KNG1: variants seen among roughly 807,000 people sequenced by gnomAD.
KNG1 encodes the protein kininogen-1.
In KNG1, 23 loss-of-function variants were observed where a neutral mutation model predicts 47.8. The ratio of observed to expected loss-of-function variants is 0.48; its 90% CI spans 0.35 to 0.68. KNG1 has a LOEUF of 0.68. Ranked by LOEUF, KNG1 falls within the 30% of genes least tolerant of loss-of-function variation. The pLI, the probability that KNG1 is intolerant of heterozygous loss-of-function variation, is 0.01. For missense variants in KNG1, 762 were observed against 790.2 expected, an observed-to-expected ratio of 0.96 and a Z score of 0.43; for synonymous variants, 277 against 277.0, an observed-to-expected ratio of 1.00 and a Z score of 0.00.
intron 4 of KNG1, among the ~76,000 whole-genome samples, chr3:186,725,883 T>C (rs144732824): frequency 0.013 from 1,762 of 137,484 alleles, 38 homozygotes; most frequent in African/African-American, 0.047. Context: ...CATGGCTTTC[T>C]GGGTACCCAC....
rs370821408 is a variant in KNG1, at chr3:186,717,660, G to T, written c.118G>T (p.Ala40Ser). 2 of 1,613,144 alleles carry T rather than the reference G, an allele frequency of 1.2e-6. No homozygotes were observed. Among genetic ancestry groups the T allele is most frequent in the South Asian group, 1.1e-5 (1 of 91,072 alleles). Reference protein sequence around the residue: ...DKDLFKAVDAALKKYNSQNQS... With the variant: ...DKDLFKAVDASLKKYNSQNQS... The stretch of plus-strand genomic sequence containing the variant: ...GGATTTATTTAAAGCTGTGGATGCT[G>T]CTCTGAAGAAATATAACAGTCAAAA... Residue 40 changes from alanine to serine, a missense_variant, in exon 1 of 10, where the codon GCT (alanine) becomes TCT (serine). Physicochemically the swap from Ala to Ser is moderately conservative, Grantham distance 99 (BLOSUM62 1). Transcript: ENST00000644859.
intron 9 of KNG1, among the ~76,000 whole-genome samples, chr3:186,740,129 G>T (rs1720771354): frequency 6.6e-6 from 1 of 152,044 alleles, no homozygotes; most frequent in South Asian, 2.1e-4. Context: ...ATCCCCAGGG[G>T]ATTCATATGC....
chr3:186,723,651 CTTTCTTT>C (rs1720267967), intron 3 of KNG1, among the ~76,000 whole-genome samples: 1 of 151,670 alleles, frequency 6.6e-6, no homozygotes, highest in South Asian at 2.1e-4. Flanking sequence ...ACCACAATTT[CTTTCTTT>C]TTTTTTTTCA....
intron 3 of KNG1, 132 bp downstream of exon 3, chr3:186,722,653 G>A: frequency 2.7e-6 from 2 of 754,556 alleles, no homozygotes; most frequent in Admixed American, 4.0e-5. Flanking sequence ...GAGTTAGGGA[G>A]CATTGGGTGG....
In KNG1 at chr3:186,731,547, T is replaced by C. The variant is rs781186664; in HGVS notation, c.675T>C (p.Asp225=). 6.2e-7 allele frequency: 1 copy of C among 1,602,408 alleles called. No homozygotes were observed. The highest frequency in any genetic ancestry group is 8.6e-7 in the Non-Finnish European group (1 of 1,169,378). ...CTTATATGCTTTTTAAAAACCAGGA[T>C]ACCGGTGAATGTACAGATAATGCAT... is the stretch of plus-strand genomic sequence containing the variant. ...TPDCKSLWNG[D]TGECTDNAYI... Residue 225 remains aspartate, a splice_region_variant and synonymous_variant, in exon 6 of 10, where the codon GAT becomes GAC. Coordinates refer to ENST00000644859, the MANE Select transcript of KNG1 (RefSeq NM_001102416.3).
At chr3:186,731,711 T>C in intron 6 of KNG1, 82 bp downstream of exon 6, 1 of 899,508 alleles carries the variant, frequency 1.1e-6, no homozygotes, top group Non-Finnish European at 1.8e-6. Flanking sequence ...ATAAGTTGGG[T>C]TTTGGTTCCC....
rs1440518238 is a variant in KNG1, at chr3:186,741,966, T to G, written c.1570T>G (p.Leu524Val). 13 of 1,614,152 alleles carry G rather than the reference T, an allele frequency of 8.1e-6. No homozygotes were observed. In the South Asian group the frequency reaches 1.2e-4, roughly 15 times the overall value. Residue 524 changes from leucine to valine, a missense_variant, in exon 10 of 10, where the codon TTG (leucine) becomes GTG (valine). Physicochemically the swap from Leu to Val is conservative, Grantham distance 32. Transcript: ENST00000644859. The stretch of plus-strand genomic sequence containing the variant: ...GCACAATGGTTGGAAAACAGAGCAT[T>G]TGGCAAGCTCTTCTGAAGACAGTAC... The part of the protein sequence containing the change: ...GKHNGWKTEH[L>V]ASSSEDSTTP...
At chr3:186,732,037 T>C (rs1720548528) in intron 6 of KNG1, among the ~76,000 whole-genome samples, 1 of 151,918 alleles carries the variant, frequency 6.6e-6, no homozygotes, top group Admixed American at 6.6e-5. Context: ...TGGGAAGAAA[T>C]GGAGATAGTG....
Position 186,741,769 on chromosome 3 carries a change from G to A in KNG1, c.1373G>A (p.Gly458Glu). 6.2e-7 allele frequency: 1 copy of A among 1,614,118 alleles called. No homozygotes were observed. The highest frequency in any genetic ancestry group is 1.1e-5 in the South Asian group (1 of 91,066). ...ERDQGHGHQR[G>E]HGLGHGHEQQ... is the part of the protein sequence containing the mutation. ...GACCAAGGGCATGGGCACCAAAGAG[G>A]ACATGGCCTTGGCCATGGACACGAA... Residue 458 changes from glycine (G) to glutamate (E), a missense_variant, in exon 10 of 10, where the codon GGA (glycine) becomes GAA (glutamate). By Grantham distance (98) the Gly-to-Glu change is moderately conservative. Coordinates refer to ENST00000644859, the MANE Select transcript of KNG1 (RefSeq NM_001102416.3).
At chr3:186,720,531 A>AGGGGGGGGG in intron 2 of KNG1, 1 of 238,118 alleles carries the variant, frequency 4.2e-6, no homozygotes, top group Non-Finnish European at 8.2e-6. Flanking sequence ...TGGCGAGGGG[A>AGGGGGGGGG]GGGGGTGGGT....
chr3:186,722,187 A>G, intron 2 of KNG1: 1 of 434,526 alleles, frequency 2.3e-6, no homozygotes, highest in Non-Finnish European at 4.1e-6. Flanking sequence ...CTCAAAACAA[A>G]GACTCAAGCT....
intron 7 of KNG1, among the ~76,000 whole-genome samples, chr3:186,737,458 A>T (rs2108634581): frequency 6.6e-6 from 1 of 152,078 alleles, no homozygotes; most frequent in East Asian, 1.9e-4. Context: ...CTTCCTTCAG[A>T]TTTCTTTCCT....
Position 186,742,190 on chromosome 3 carries a change from T to C in KNG1, c.1794T>C (p.Leu598=), listed in dbSNP as rs1308333928. 1 of 1,614,132 alleles carries C rather than the reference T, an allele frequency of 6.2e-7. No homozygotes were observed. The highest frequency in any genetic ancestry group is 1.7e-5 in the Admixed American group (1 of 60,014). The change falls in exon 10 of 10, where the codon CTT becomes CTC. Residue 598 remains leucine (L), a synonymous_variant. Transcript: ENST00000644859. ...IPDIQIDPNG[L]SFNPISDFPD... is the part of the protein sequence containing the mutation. ...ATATCCAGATAGACCCAAATGGCCTTTCATTTAACCCAATATCAGATTTTC... is the reference window on the plus strand; with the variant it reads ...ATATCCAGATAGACCCAAATGGCCTCTCATTTAACCCAATATCAGATTTTC...
chr3:186,737,836 A>T (rs1218748893), intron 7 of KNG1, among the ~76,000 whole-genome samples: 1 of 152,184 alleles, frequency 6.6e-6, no homozygotes, highest in Non-Finnish European at 1.5e-5. Context: ...CTGGAATTAC[A>T]GGCAGGAGCC....
rs746303872 is a variant in KNG1 at position 186,720,163 on chromosome 3, T to C, written c.254T>C (p.Val85Ala). 1.9e-6 allele frequency: 3 copies of C among 1,613,922 alleles called. No individual in the cohort carries two copies. The African/African-American group carries it at 4.0e-5, about 22-fold the overall frequency. Residue 85 changes from valine to alanine, a missense_variant, in exon 2 of 10, where the codon GTT becomes GCT. Val to Ala is a moderately conservative substitution (Grantham distance 64, BLOSUM62 0). Coordinates refer to ENST00000644859, the MANE Select transcript of KNG1 (RefSeq NM_001102416.3). The stretch of plus-strand genomic sequence containing the variant: ...GAAATCAAGGAGGGGGATTGTCCTG[T>C]TCAAAGTGGCAAAACCTGGCAGGAC... Reference protein sequence around the residue: ...KYEIKEGDCPVQSGKTWQDCE... With the variant: ...KYEIKEGDCPAQSGKTWQDCE...
At chr3:186,719,985 T>C in intron 1 of KNG1, 120 bp from the exon 2 acceptor site, 1 of 725,868 alleles carries the variant, frequency 1.4e-6, no homozygotes, top group African/African-American at 1.7e-5. Context: ...TAAATATATT[T>C]TAAGTGAATG....
intron 4 of KNG1, among the ~76,000 whole-genome samples, chr3:186,726,306 A>AG (rs1720373046): frequency 1.5e-5 from 2 of 133,432 alleles, no homozygotes; most frequent in South Asian, 2.3e-4. Context: ...TTTTTTGAGG[A>AG]AGAGTCTTGT....
intron 5 of KNG1, among the ~76,000 whole-genome samples, 176 bp from the exon 6 acceptor site, chr3:186,731,369 T>C (rs1720528289): frequency 1.3e-5 from 2 of 152,236 alleles, no homozygotes; most frequent in Non-Finnish European, 2.9e-5. Flanking sequence ...GTTGATGCTA[T>C]TGATACTATT....
chr3:186,724,727 G>C (rs1720300629), intron 3 of KNG1, among the ~76,000 whole-genome samples: 1 of 150,922 alleles, frequency 6.6e-6, no homozygotes, highest in African/African-American at 2.4e-5. Context: ...ACACAGTCTT[G>C]CTCTGTCGCC....
Sources: allele counts gnomAD v4.1 joint callset (sites outside exome capture counted in the v4.1 genomes callset), GRCh38; gene constraint gnomAD v4.1.1; transcripts MANE v1.5; gene names NCBI Gene and HGNC (gene_info 2026-07-23, HGNC 2026-07-21).